The following PARVG variants were observed in gnomAD, a reference collection of about 807,000 sequenced individuals.
PARVG encodes the protein parvin gamma, also known as gamma-parvin.
In PARVG, 36 loss-of-function variants were observed where a neutral mutation model predicts 44.4. The ratio of observed to expected loss-of-function variants is 0.81; its 90% CI spans 0.62 to 1.07. PARVG has a LOEUF of 1.07. Among genes scored for constraint, PARVG ranks in the 50% least tolerant of loss-of-function variants. PARVG has a pLI of 0.00. For synonymous variants in PARVG, 170 were observed against 174.1 expected, an observed-to-expected ratio of 0.98 and a Z score of 0.19; for missense variants, 407 against 407.4, an observed-to-expected ratio of 1.00 and a Z score of 0.01.
At chr22:44,183,611 G>A in intron 3 of PARVG, 1 of 522,598 alleles carries the variant, frequency 1.9e-6, no homozygotes. Context: ...CTTCTCTCCA[G>A]ATGAGAGACG....
At chr22:44,193,221 CA>C (rs5845641) in intron 8 of PARVG, among the ~76,000 whole-genome samples, 41,647 of 146,384 alleles carry the variant, frequency 0.28, 6,056 homozygotes, top group Middle Eastern at 0.5. Flanking sequence ...AAAACGTGAC[CA>C]AAAAAAAAAG....
chr22:44,195,308 T>C (rs1335920300), intron 9 of PARVG, among the ~76,000 whole-genome samples: 1 of 152,096 alleles, frequency 6.6e-6, no homozygotes, highest in Non-Finnish European at 1.5e-5. Context: ...ATGATGCTAT[T>C]TGGTGCTACT....
upstream of PARVG, among the ~76,000 whole-genome samples, chr22:44,178,187 C>T (rs1218369761): frequency 1.3e-5 from 2 of 152,198 alleles, no homozygotes; most frequent in African/African-American, 4.8e-5. Context: ...TGGAAATGGA[C>T]TAATACACAT....
intron 3 of PARVG, chr22:44,183,698 T>C (rs1279818860): frequency 2.4e-6 from 1 of 424,524 alleles, no homozygotes; most frequent in Non-Finnish European, 4.1e-6. Flanking sequence ...CCAGCACCTC[T>C]TACCAATAGC....
chr22:44,181,737 C>G lies in PARVG; in HGVS notation c.-188-5C>G. 1 of 985,394 alleles carries G rather than the reference C, an allele frequency of 1.0e-6. No individual in the cohort carries two copies. Among genetic ancestry groups the G allele is most frequent in the Non-Finnish European group, 1.2e-6 (1 of 829,946 alleles). 61.0% of individuals were successfully genotyped at this position (985,394 alleles called of 1,614,324 possible). On this transcript the variant is annotated splice_polypyrimidine_tract_variant and splice_region_variant and intron_variant, in intron 1 of 13. Coordinates refer to ENST00000444313, the MANE Select transcript of PARVG (RefSeq NM_022141.7). Reference sequence around the variant, plus strand: ...GGCATCCACCCCCCTCGGGCCCTGCCGCAGAGAGGAGGAAGCTCCTGCCGG... The same window carrying G: ...GGCATCCACCCCCCTCGGGCCCTGCGGCAGAGAGGAGGAAGCTCCTGCCGG...
chr22:44,173,200 T>C (rs1252906098), intron 1 of PARVG: 1 of 1,240,750 alleles, frequency 8.1e-7, no homozygotes. Flanking sequence ...AGGTGAGTAA[T>C]AAAGGCTCAT....
In PARVG at chr22:44,181,761, G is replaced by T. The variant is rs183471125; in HGVS notation, c.-169G>T. On this transcript the variant is annotated 5_prime_UTR_variant, in exon 2 of 14. Coordinates refer to ENST00000444313, the MANE Select transcript of PARVG (RefSeq NM_022141.7). ...CCGCAGAGAGGAGGAAGCTCCTGCC[G>T]GCTGAGCGGGCCTGGAGGAAGTGAG... The T allele has an allele frequency of 4.1e-6, 4 of 985,300 alleles. No individual in the cohort carries two copies. The highest frequency in any genetic ancestry group is 3.5e-5 in the African/African-American group (2 of 57,222). The allele number at this position is 985,300 out of a possible 1,614,324, so 61.0% of individuals were successfully genotyped here.
At chr22:44,193,900 A>G in intron 9 of PARVG, 77 bp downstream of exon 9, 3 of 1,541,828 alleles carry the variant, frequency 1.9e-6, no homozygotes, top group Non-Finnish European at 2.7e-6. Context: ...ATGCAGGGTT[A>G]ATTGCTGAGC....
intron 3 of PARVG, chr22:44,184,206 G>A (rs536395879): frequency 1.3e-5 from 2 of 152,448 alleles, no homozygotes; most frequent in African/African-American, 2.4e-5. Context: ...AGGGCTTTAG[G>A]TGAACTCATT....
intron 1 of PARVG, 155 bp from the exon 2 acceptor site, chr22:44,181,587 G>A: frequency 1.7e-6 from 1 of 600,528 alleles, no homozygotes; most frequent in Non-Finnish European, 2.1e-6. Flanking sequence ...GGAAGGCGGG[G>A]AGAGGGGGAG....
Position 44,187,951 on chromosome 22 carries a change from G to A in PARVG, c.247+73G>A, listed in dbSNP as rs1000102608. 5 of 1,462,102 alleles carry A rather than the reference G, an allele frequency of 3.4e-6. No individual in the cohort carries two copies. In the East Asian group the frequency reaches 6.8e-5, roughly 20 times the overall value. 90.6% of individuals were successfully genotyped at this position (1,462,102 alleles called of 1,614,324 possible). On this transcript the variant is annotated intron_variant, in intron 5 of 13. Transcript: ENST00000444313. ...GACCTGGCCCCTCCAGGGCCCACAG[G>A]TAGGCTCTCTCCTTCAGTCCCCACA...
intron 6 of PARVG, among the ~76,000 whole-genome samples, chr22:44,189,518 A>C (rs1451167320): frequency 6.6e-6 from 1 of 152,220 alleles, no homozygotes; most frequent in Non-Finnish European, 1.5e-5. Context: ...TCTGTTTGCT[A>C]TCTGAATGAC....
upstream of PARVG, among the ~76,000 whole-genome samples, chr22:44,177,298 G>A (rs561414543): frequency 4.6e-5 from 7 of 152,262 alleles, no homozygotes; most frequent in African/African-American, 1.7e-4. Flanking sequence ...AAATACATCA[G>A]TGTAGCTTCC....
intron 3 of PARVG, chr22:44,183,965 G>A (rs1474871337): frequency 4.5e-6 from 1 of 221,204 alleles, no homozygotes; most frequent in African/African-American, 2.3e-5. Flanking sequence ...TCAAAAGTGG[G>A]GTGAGCATAG....
chr22:44,197,027 C>G (rs1437276336), intron 11 of PARVG, among the ~76,000 whole-genome samples: 1 of 151,014 alleles, frequency 6.6e-6, no homozygotes, highest in Non-Finnish European at 1.5e-5. Flanking sequence ...CGGCTGCCAG[C>G]CCGGGGCCTG....
chr22:44,181,809 C>T lies in PARVG; in HGVS notation c.-121C>T. The T allele has an allele frequency of 1.0e-6, 1 of 985,522 alleles. No individual in the cohort carries two copies. Among genetic ancestry groups the T allele is most frequent in the Non-Finnish European group, 1.2e-6 (1 of 830,010 alleles). 61.0% of individuals were successfully genotyped at this position (985,522 alleles called of 1,614,324 possible). On this transcript the variant is annotated 5_prime_UTR_variant, in exon 2 of 14. Coordinates refer to ENST00000444313, the MANE Select transcript of PARVG (RefSeq NM_022141.7). Reference sequence around the variant, plus strand: ...GAGCAGCGGGGCTCCTGCCTCCCGGCCTGGTCCCCGAAGACCCCAGAAGAA... The same window carrying T: ...GAGCAGCGGGGCTCCTGCCTCCCGGTCTGGTCCCCGAAGACCCCAGAAGAA...
At chr22:44,195,762 C>T (rs1263695990) in intron 9 of PARVG, among the ~76,000 whole-genome samples, 3 of 152,136 alleles carry the variant, frequency 2.0e-5, no homozygotes, top group Non-Finnish European at 4.4e-5. Flanking sequence ...GAGTAGGGCC[C>T]TGGGAGGAGG....
chr22:44,207,657 C>G lies in PARVG; in HGVS notation c.*1231C>G, dbSNP rs1397043239. The G allele has an allele frequency of 2.0e-5, 3 of 152,194 alleles. No homozygotes were observed. Among genetic ancestry groups the G allele is most frequent in the Non-Finnish European group, 4.4e-5 (3 of 68,136 alleles). The allele number at this position is 152,194 out of a possible 1,614,324, so 9.4% of individuals were successfully genotyped here. ...GTTAGGGGCTAGGTCATCATTGACA[C>G]CCACTGGGGGCGCCTAGGCAGATGT... On this transcript the variant is annotated 3_prime_UTR_variant, in exon 14 of 14. Coordinates refer to ENST00000444313, the MANE Select transcript of PARVG (RefSeq NM_022141.7).
chr22:44,196,370 G>T lies in PARVG; in HGVS notation c.666G>T (p.Gln222His). The T allele has an allele frequency of 6.2e-7, 1 of 1,614,220 alleles. No homozygotes were observed. Among genetic ancestry groups the T allele is most frequent in the South Asian group, 1.1e-5 (1 of 91,088 alleles). ...VKEAIVNFVNQKLDRLGLSVQ... is the reference protein window; with the variant it reads ...VKEAIVNFVNHKLDRLGLSVQ... ...AGGCCATCGTGAACTTTGTCAACCA[G>T]AAGCTGGACCGCCTGGGCCTGTCTG... is the stretch of plus-strand genomic sequence containing the variant. Residue 222 changes from glutamine (Q) to histidine (H), a missense_variant, in exon 11 of 14, where the codon CAG becomes CAT. Gln to His is a conservative substitution (Grantham distance 24). Coordinates refer to ENST00000444313, the MANE Select transcript of PARVG (RefSeq NM_022141.7).
Sources: gnomAD v4.1 joint callset for allele counts (sites outside exome capture counted in the v4.1 genomes callset) on GRCh38, gnomAD v4.1.1 for gene constraint, MANE v1.5 for transcripts, NCBI Gene and HGNC (gene_info 2026-07-23, HGNC 2026-07-21) for gene names.